Variants in PDE10A observed in about 807,000 individuals in gnomAD.
PDE10A encodes the protein phosphodiesterase 10A.
PDE10A carries 39 observed loss-of-function variants against 97.7 expected under a neutral mutation model. The ratio of observed to expected loss-of-function variants is 0.40; its 90% CI spans 0.31 to 0.52. The LOEUF is 0.52. PDE10A is among the 20% of genes least tolerant of loss of function. The probability of loss-of-function intolerance (pLI) is 0.56; values close to 1 mark genes in which losing one functional copy is unlikely to be tolerated. For missense variants in PDE10A, 731 were observed against 1,047.8 expected, an observed-to-expected ratio of 0.70 and a Z score of 4.17; for synonymous variants, 371 against 376.8, an observed-to-expected ratio of 0.98 and a Z score of 0.18.
chr6:165,775,928 G>C (rs1328874849), intron 1 of PDE10A: 1 of 152,128 alleles, frequency 6.6e-6, no homozygotes, highest in African/African-American at 2.4e-5. Context: ...TCCAGAAACG[G>C]ATTGTTTCGT....
intron 1 of PDE10A, among the ~76,000 whole-genome samples, chr6:165,770,469 C>A (rs909377726): frequency 1.3e-5 from 2 of 152,074 alleles, no homozygotes; most frequent in African/African-American, 2.4e-5. Context: ...CAGGATGTTC[C>A]CTATATACAG....
intron 3 of PDE10A, among the ~76,000 whole-genome samples, chr6:165,454,243 G>A (rs1036762690): frequency 2.0e-5 from 3 of 152,128 alleles, no homozygotes; most frequent in African/African-American, 4.8e-5. Flanking sequence ...GTTTCAGGAC[G>A]AATTGTCCCT....
At chr6:165,586,176 A>G (rs1785901881) in intron 1 of PDE10A, among the ~76,000 whole-genome samples, 1 of 152,170 alleles carries the variant, frequency 6.6e-6, no homozygotes, top group African/African-American at 2.4e-5. Context: ...ATCCAAGGTG[A>G]CCTGGGTCTC....
At chr6:165,498,414 C>A (rs1780664618) in intron 2 of PDE10A, among the ~76,000 whole-genome samples, 2 of 72,784 alleles carry the variant, frequency 2.7e-5, no homozygotes, top group South Asian at 4.9e-4. Context: ...CAGAGCAAGA[C>A]CCTGTCTCCA....
intron 1 of PDE10A, among the ~76,000 whole-genome samples, chr6:165,782,740 T>C (rs1344699401): frequency 6.6e-6 from 1 of 152,226 alleles, no homozygotes; most frequent in Non-Finnish European, 1.5e-5. Context: ...TCTTATCGTG[T>C]ACCCAGGGAC....
intron 1 of PDE10A, among the ~76,000 whole-genome samples, chr6:165,794,326 C>T (rs920231855): frequency 1.3e-5 from 2 of 151,244 alleles, no homozygotes; most frequent in Admixed American, 6.6e-5. Flanking sequence ...ATACTCATCA[C>T]ACACTCATAA....
chr6:165,603,496 A>T (rs948334506), intron 1 of PDE10A, among the ~76,000 whole-genome samples: 1 of 152,244 alleles, frequency 6.6e-6, no homozygotes. Context: ...TAGCTATATA[A>T]AAGGCTTCTG....
chr6:165,551,831 T>G (rs1583524104), intron 1 of PDE10A, among the ~76,000 whole-genome samples: 1 of 152,330 alleles, frequency 6.6e-6, no homozygotes, highest in East Asian at 1.9e-4. Context: ...GAAAGAAATC[T>G]TTGTAGCAGA....
intron 1 of PDE10A, among the ~76,000 whole-genome samples, chr6:165,586,552 A>T (rs1304712228): frequency 6.6e-6 from 1 of 152,232 alleles, no homozygotes; most frequent in African/African-American, 2.4e-5. Context: ...GCCTAAAAGA[A>T]GAAAAGCAAA....
rs1042050815 is a variant in PDE10A at position 165,418,154 on chromosome 6, C to T, written c.1796+481G>A. ...AGTTTCAAGATGCAACACAGGTGTG[C>T]TATGTGATTGATTAAAACAGCTGGT... On this transcript the variant is annotated intron_variant, in intron 11 of 21. Transcript: ENST00000539869. This position sits in a 1 kb window ranked among gnomAD's most constrained non-coding sequence, Gnocchi z 4.8. Among the ~76,000 whole-genome samples the T allele has an allele frequency of 2.6e-5, 4 of 152,152 alleles. No homozygotes were observed. The highest frequency in any genetic ancestry group is 5.9e-5 in the Non-Finnish European group (4 of 68,034).
chr6:165,654,049 A>G (rs1474762358), intron 1 of PDE10A, among the ~76,000 whole-genome samples: 1 of 152,042 alleles, frequency 6.6e-6, no homozygotes, highest in Non-Finnish European at 1.5e-5. Context: ...TACCACCCCA[A>G]TTGGACTCTA....
At chr6:165,690,218 C>T (rs1242290123) in intron 1 of PDE10A, among the ~76,000 whole-genome samples, 3 of 152,194 alleles carry the variant, frequency 2.0e-5, no homozygotes, top group African/African-American at 4.8e-5. Flanking sequence ...CCGAACTCCG[C>T]TCAGTCAACT....
chr6:165,854,988 G>GGAATGAATGAAT lies in PDE10A; in HGVS notation c.-615+132529_-615+132540dup, dbSNP rs56216066. Among the ~76,000 whole-genome samples the GGAATGAATGAAT allele has an allele frequency of 2.8e-3, 423 of 149,844 alleles. 2 individuals are homozygous for GGAATGAATGAAT. Among genetic ancestry groups the GGAATGAATGAAT allele is most frequent in the African/African-American group, 6.5e-3 (262 of 40,584 alleles). ...GTTTAGGCGCGGGGGAAGAGGAAGAGGAATGAATGAATGAATGAATGAATG... is the reference window on the plus strand; with the variant it reads ...GTTTAGGCGCGGGGGAAGAGGAAGAGGAATGAATGAATGAATGAATGAATGAATGAATGAATG... On this transcript the variant is annotated intron_variant, in intron 1 of 19. Coordinates refer to the PDE10A transcript ENST00000366882.
chr6:165,558,813 C>G (rs1201046153), intron 1 of PDE10A, among the ~76,000 whole-genome samples: 1 of 152,008 alleles, frequency 6.6e-6, no homozygotes. Flanking sequence ...GCTGCAAAGT[C>G]GATAAGGGTA....
chr6:165,382,789 G>A (rs1037829287), intron 17 of PDE10A, among the ~76,000 whole-genome samples: 1 of 152,010 alleles, frequency 6.6e-6, no homozygotes, highest in Non-Finnish European at 1.5e-5. Flanking sequence ...TCCACAGTCA[G>A]AGTTAAAAAA....
intron 1 of PDE10A, among the ~76,000 whole-genome samples, chr6:165,715,201 A>G (rs764104647): frequency 2.0e-5 from 3 of 152,264 alleles, no homozygotes; most frequent in Non-Finnish European, 4.4e-5. Context: ...CTGCGCCCTC[A>G]TTCACTCGCA....
chr6:165,784,880 G>C (rs939337462), intron 1 of PDE10A, among the ~76,000 whole-genome samples: 2 of 152,242 alleles, frequency 1.3e-5, no homozygotes, highest in African/African-American at 2.4e-5. Flanking sequence ...GTAAGGGGGA[G>C]TTGGGGCTGA....
chr6:165,417,260 T>C (rs1281855425), intron 11 of PDE10A, among the ~76,000 whole-genome samples: 1 of 152,198 alleles, frequency 6.6e-6, no homozygotes, highest in Admixed American at 6.5e-5. Context: ...TTGAACAACA[T>C]AAACACAATG....
chr6:165,669,881 G>C (rs1270335012), intron 1 of PDE10A, among the ~76,000 whole-genome samples: 1 of 152,164 alleles, frequency 6.6e-6, no homozygotes, highest in Non-Finnish European at 1.5e-5. Context: ...AATGTAACAA[G>C]GCAAAATTCA....
Sources: allele counts gnomAD v4.1 joint callset (sites outside exome capture counted in the v4.1 genomes callset), GRCh38; gene constraint gnomAD v4.1.1; non-coding constraint Gnocchi (gnomAD v3.1); transcripts MANE v1.5; gene names NCBI Gene and HGNC (gene_info 2026-07-23, HGNC 2026-07-21).